Variants in PGM5 observed in about 807,000 individuals in gnomAD.
PGM5 encodes the protein phosphoglucomutase-like protein 5.
Under a neutral mutation model 59.2 loss-of-function variants are expected in PGM5, and 23 were observed. The ratio of observed to expected loss-of-function variants is 0.39; its 90% CI spans 0.28 to 0.55. PGM5 has a LOEUF of 0.55. Ranked by LOEUF, PGM5 falls within the 20% of genes least tolerant of loss-of-function variation. The pLI, the probability that PGM5 is intolerant of heterozygous loss-of-function variation, is 0.66. For synonymous variants in PGM5, 214 were observed against 286.0 expected, an observed-to-expected ratio of 0.75 and a Z score of 2.54; for missense variants, 574 against 748.3, an observed-to-expected ratio of 0.77 and a Z score of 2.72.
At chr9:68,527,390 C>T (rs1825000198) in intron 10 of PGM5, among the ~76,000 whole-genome samples, 1 of 152,136 alleles carries the variant, frequency 6.6e-6, no homozygotes, top group Admixed American at 6.5e-5. Flanking sequence ...CTTTTTCTGT[C>T]TGAGTTTAAC....
chr9:68,525,726 C>T (rs1273894859), intron 10 of PGM5, among the ~76,000 whole-genome samples: 4 of 152,140 alleles, frequency 2.6e-5, no homozygotes, highest in African/African-American at 7.2e-5. Context: ...AATTTATACA[C>T]TCAGGGAAGA....
chr9:68,421,313 C>G (rs1401416234), intron 6 of PGM5, among the ~76,000 whole-genome samples: 1 of 152,212 alleles, frequency 6.6e-6, no homozygotes, highest in Non-Finnish European at 1.5e-5. Flanking sequence ...TCAGAGGCTA[C>G]AGCAGTTTCC....
At position 68,495,281 on chromosome 9, in the gene PGM5, G is replaced by A. The variant is rs1341145601; in HGVS notation, c.1480-3946G>A. 2.0e-5 allele frequency among the ~76,000 whole-genome samples: 3 copies of A among 152,258 alleles called. No individual in the cohort carries two copies. The South Asian group carries it at 6.2e-4, about 32-fold the overall frequency. Reference sequence around the variant, plus strand: ...ATAAGAAACATAAATCAAGACTAGGGAATATATAAGTAAGAGTAGAGTCAA... The same window carrying A: ...ATAAGAAACATAAATCAAGACTAGGAAATATATAAGTAAGAGTAGAGTCAA... On this transcript the variant is annotated intron_variant, in intron 9 of 10. Transcript: ENST00000396396.
intron 3 of PGM5, among the ~76,000 whole-genome samples, chr9:68,385,794 C>T (rs1822203050): frequency 1.3e-5 from 2 of 152,180 alleles, no homozygotes; most frequent in South Asian, 4.1e-4. Flanking sequence ...CTCATTCAGG[C>T]TCATTGCTGC....
intron 6 of PGM5, among the ~76,000 whole-genome samples, chr9:68,434,887 A>G (rs1554683279): frequency 6.6e-6 from 1 of 152,220 alleles, no homozygotes; most frequent in African/African-American, 2.4e-5. Flanking sequence ...TTAAGGTGCC[A>G]AAGACTGGTG....
intron 10 of PGM5, among the ~76,000 whole-genome samples, chr9:68,508,616 C>G (rs929359485): frequency 6.6e-6 from 1 of 152,182 alleles, no homozygotes; most frequent in African/African-American, 2.4e-5. Context: ...ATCACCAAGT[C>G]TTGCTGGATC....
chr9:68,421,654 T>C (rs1587803631), intron 6 of PGM5, among the ~76,000 whole-genome samples: 1 of 151,556 alleles, frequency 6.6e-6, no homozygotes, highest in African/African-American at 2.4e-5. Flanking sequence ...GAGGCGGAGG[T>C]TGCAGTGAGC....
chr9:68,444,328 T>C (rs1278929796), intron 6 of PGM5, among the ~76,000 whole-genome samples: 7 of 152,258 alleles, frequency 4.6e-5, no homozygotes, highest in Middle Eastern at 3.4e-3. Context: ...TTCCATAGGA[T>C]TCAGTCAAAT....
chr9:68,365,421 C>A (rs1439883972), intron 1 of PGM5, among the ~76,000 whole-genome samples: 1 of 150,072 alleles, frequency 6.7e-6, no homozygotes, highest in African/African-American at 2.5e-5. Context: ...ATTCTTTCAT[C>A]TGATTTGACT....
intron 3 of PGM5, among the ~76,000 whole-genome samples, chr9:68,384,906 T>C (rs2132001719): frequency 6.6e-6 from 1 of 151,296 alleles, no homozygotes; most frequent in South Asian, 2.1e-4. Flanking sequence ...GTCAATGGGT[T>C]ATTAAATTTC....
intron 7 of PGM5, among the ~76,000 whole-genome samples, chr9:68,469,640 CTTCCATGCATGGA>C (rs1292851458): frequency 6.6e-6 from 1 of 152,186 alleles, no homozygotes; most frequent in Non-Finnish European, 1.5e-5. Flanking sequence ...TTGCTGGATG[CTTCCATGCATGGA>C]TTCCATGCCA....
chr9:68,401,142 A>G (rs1822657136), intron 6 of PGM5, among the ~76,000 whole-genome samples: 1 of 152,098 alleles, frequency 6.6e-6, no homozygotes, highest in Admixed American at 6.6e-5. Context: ...AATTGTTAAC[A>G]CTTAAGACTA....
At chr9:68,514,106 G>A (rs1197885089) in intron 10 of PGM5, among the ~76,000 whole-genome samples, 1 of 152,198 alleles carries the variant, frequency 6.6e-6, no homozygotes, top group Non-Finnish European at 1.5e-5. Context: ...CCCCAACCCA[G>A]ATCTACTGAC....
chr9:68,392,862 A>C (rs1554679643), intron 6 of PGM5, among the ~76,000 whole-genome samples: 1 of 152,148 alleles, frequency 6.6e-6, no homozygotes. Flanking sequence ...ATTAACCTGA[A>C]AGTGTGTATG....
intron 10 of PGM5, among the ~76,000 whole-genome samples, chr9:68,525,086 C>G (rs1002927455): frequency 1.3e-5 from 2 of 152,094 alleles, no homozygotes; most frequent in African/African-American, 4.8e-5. Flanking sequence ...TTAACTCCCA[C>G]CCACCATGAG....
chr9:68,491,124 G>A (rs903302320), intron 9 of PGM5, among the ~76,000 whole-genome samples: 6 of 152,156 alleles, frequency 3.9e-5, no homozygotes, highest in African/African-American at 1.2e-4. Context: ...CATTAGCACC[G>A]AGGATACAAC....
At chr9:68,481,636 T>C (rs547285751) in intron 8 of PGM5, among the ~76,000 whole-genome samples, 2 of 152,350 alleles carry the variant, frequency 1.3e-5, no homozygotes, top group South Asian at 4.1e-4. Flanking sequence ...TCTTGAATAA[T>C]TGGTGTTATG....
At chr9:68,473,282 A>G (rs1278933054) in intron 7 of PGM5, among the ~76,000 whole-genome samples, 2 of 152,232 alleles carry the variant, frequency 1.3e-5, no homozygotes, top group Admixed American at 6.5e-5. Flanking sequence ...TCTAAATGAA[A>G]AAAGGTAAAC....
At chr9:68,419,340 G>GGCAAAACA (rs781973810) in intron 6 of PGM5, among the ~76,000 whole-genome samples, 1 of 152,056 alleles carries the variant, frequency 6.6e-6, no homozygotes, top group Non-Finnish European at 1.5e-5. Flanking sequence ...CCATTTTATG[G>GGCAAAACA]GCAAAACAGC....
Sources: allele counts gnomAD v4.1 joint callset (sites outside exome capture counted in the v4.1 genomes callset), GRCh38; gene constraint gnomAD v4.1.1; transcripts MANE v1.5; gene names NCBI Gene and HGNC (gene_info 2026-07-23, HGNC 2026-07-21).